Variants in SLC22A24 observed in about 807,000 individuals in gnomAD.
The protein encoded by SLC22A24 is solute carrier family 22 member 24.
In SLC22A24, 53 loss-of-function variants were observed where a neutral mutation model predicts 49.8. The observed-to-expected ratio is 1.06, with a 90% confidence interval of 0.85 to 1.34. The LOEUF is 1.34. SLC22A24 is among the 40% of genes most tolerant of loss of function. The pLI is 0.00. For missense variants in SLC22A24, 786 were observed against 675.9 expected (o/e 1.16, Z -1.81); for synonymous variants, 302 against 256.4 (o/e 1.18, Z -1.70).
intron 1 of SLC22A24, among the ~76,000 whole-genome samples, chr11:63,138,910 A>T (rs2087395193): frequency 6.6e-6 from 1 of 151,936 alleles, no homozygotes; most frequent in Non-Finnish European, 1.5e-5. Flanking sequence ...CCTTGTAGAG[A>T]TTCTAAATCT....
chr11:63,123,550 G>A (rs752156275), intron 2 of SLC22A24, among the ~76,000 whole-genome samples: 1 of 152,170 alleles, frequency 6.6e-6, no homozygotes, highest in Non-Finnish European at 1.5e-5. Context: ...CCATATGCAT[G>A]TCTAATAGGC....
chr11:63,135,137 C>G (rs183644044), intron 1 of SLC22A24, among the ~76,000 whole-genome samples: 108 of 152,146 alleles, frequency 7.1e-4, no homozygotes, highest in Admixed American at 6.7e-3. Flanking sequence ...ACTTCAGGTA[C>G]AAAAATTTTA....
At chr11:63,140,997 C>A (rs1311288929) in intron 1 of SLC22A24, among the ~76,000 whole-genome samples, 2 of 152,118 alleles carry the variant, frequency 1.3e-5, no homozygotes, top group Admixed American at 1.3e-4. Context: ...AATTATTTAG[C>A]TTTTTACAAT....
At chr11:63,114,367 A>G (rs6591751) in intron 4 of SLC22A24, among the ~76,000 whole-genome samples, 120,442 of 152,044 alleles carry the variant, frequency 0.79, 48,903 homozygotes, top group East Asian at 0.9. Flanking sequence ...GGCTATTGAA[A>G]CTTGTACATG....
At chr11:63,115,345 C>T (rs1340476193) in intron 4 of SLC22A24, among the ~76,000 whole-genome samples, 1 of 152,220 alleles carries the variant, frequency 6.6e-6, no homozygotes, top group Non-Finnish European at 1.5e-5. Flanking sequence ...GTGAGCAAGG[C>T]TCCGTGGGCA....
intron 5 of SLC22A24, among the ~76,000 whole-genome samples, chr11:63,100,426 A>C (rs1229415453): frequency 6.6e-6 from 1 of 152,200 alleles, no homozygotes; most frequent in Non-Finnish European, 1.5e-5. Context: ...GAGAACACAC[A>C]AAAAATGAAA....
At chr11:63,140,451 G>T (rs9665850) in intron 1 of SLC22A24, among the ~76,000 whole-genome samples, 1 of 152,078 alleles carries the variant, frequency 6.6e-6, no homozygotes, top group African/African-American at 2.4e-5. Context: ...CTAAATTAAG[G>T]CCAGATATCA....
Position 63,143,877 on chromosome 11 carries a change from C to T in SLC22A24, c.-98G>A. 1 of 1,018,246 alleles carries T rather than the reference C, an allele frequency of 9.8e-7. No homozygotes were observed. The highest frequency in any genetic ancestry group is 1.3e-6 in the Non-Finnish European group (1 of 772,646). 63.1% of individuals were successfully genotyped at this position (1,018,246 alleles called of 1,614,324 possible). A position where few individuals can be genotyped will look rare whatever the true frequency, so the allele number is the denominator to read the frequency against. ...CCCCTTTCACAAAGTTACCATAGTGCCATGTGGATCCTGACACTGCTTTCT... is the reference window on the plus strand; with the variant it reads ...CCCCTTTCACAAAGTTACCATAGTGTCATGTGGATCCTGACACTGCTTTCT... On this transcript the variant is annotated 5_prime_UTR_variant, in exon 1 of 10. Transcript: ENST00000612278.
At chr11:63,087,024 G>GTGCGCACA (rs1555045311) in intron 6 of SLC22A24, among the ~76,000 whole-genome samples, 7 of 132,556 alleles carry the variant, frequency 5.3e-5, no homozygotes, top group Non-Finnish European at 9.3e-5. Context: ...CCTGGAGGGC[G>GTGCGCACA]CACACACACA....
In SLC22A24 at chr11:63,108,968, G is replaced by T. The variant is rs1302670735; in HGVS notation, c.831-4670C>A. 2.1e-5 allele frequency among the ~76,000 whole-genome samples: 3 copies of T among 139,776 alleles called. No homozygotes were observed. In the South Asian group the frequency reaches 7.4e-4, roughly 34 times the overall value. 91.7% of individuals were successfully genotyped at this position (139,776 alleles called of 152,430 possible). ...CCACTAACTCGTCATCTAGCATTAGGTATATCTCCCAATGCTATCCCTCCC... is the reference window on the plus strand; with the variant it reads ...CCACTAACTCGTCATCTAGCATTAGTTATATCTCCCAATGCTATCCCTCCC... On this transcript the variant is annotated intron_variant, in intron 4 of 9. Coordinates refer to ENST00000612278, the MANE Select transcript of SLC22A24 (RefSeq NM_001136506.2).
At chr11:63,089,641 C>G (rs1171526419) in intron 6 of SLC22A24, among the ~76,000 whole-genome samples, 1 of 151,884 alleles carries the variant, frequency 6.6e-6, no homozygotes, top group Non-Finnish European at 1.5e-5. Context: ...GATAAAGAGT[C>G]AAGACTCATC....
Position 63,110,364 on chromosome 11 carries a change from G to GT in SLC22A24, c.831-6067dup, listed in dbSNP as rs1440970150. ...TTGGTTCCATATGAAGTTTAAAGTA[G>GT]TTTTTTCCAATTGTGTGAAGAAAGT... is the stretch of plus-strand genomic sequence containing the variant. On this transcript the variant is annotated intron_variant, in intron 4 of 9. Transcript: ENST00000612278. Among the ~76,000 whole-genome samples the GT allele has an allele frequency of 1.2e-4, 18 of 152,250 alleles. No homozygotes were observed. In the South Asian group the frequency reaches 1.5e-3, roughly 12 times the overall value.
chr11:63,123,532 C>A (rs1240518434), intron 2 of SLC22A24, among the ~76,000 whole-genome samples: 1 of 152,130 alleles, frequency 6.6e-6, no homozygotes, highest in Non-Finnish European at 1.5e-5. Context: ...AACTGTCTAC[C>A]TGAAACTCCA....
chr11:63,134,537 G>T (rs2087359155), intron 2 of SLC22A24, 128 bp downstream of exon 2: 1 of 584,612 alleles, frequency 1.7e-6, no homozygotes, highest in East Asian at 3.0e-5. Flanking sequence ...GCTTCCTGGA[G>T]TCAGAAAGAG....
chr11:63,117,142 C>T (rs2155320), intron 4 of SLC22A24, among the ~76,000 whole-genome samples: 120,501 of 152,080 alleles, frequency 0.79, 48,930 homozygotes, highest in East Asian at 0.9. Context: ...ATGTTTTCTT[C>T]CATGGCTCCT....
At position 63,121,712 on chromosome 11, in the gene SLC22A24, C is replaced by T. The variant is rs371730790; in HGVS notation, c.507-2377G>A. Among the ~76,000 whole-genome samples, 19 of 151,666 alleles carry T rather than the reference C, an allele frequency of 1.3e-4. No individual in the cohort carries two copies. In the East Asian group the frequency reaches 1.9e-3, roughly 15 times the overall value. The stretch of plus-strand genomic sequence containing the variant: ...TGCAGGTTAGTTACATATGTATACA[C>T]GTGCCATGCTGGTGTGCTGCACCCA... On this transcript the variant is annotated intron_variant, in intron 2 of 9. Transcript: ENST00000612278.
chr11:63,143,748 C>T lies in SLC22A24; in HGVS notation c.32G>A (p.Gly11Asp). 3.4e-6 allele frequency: 5 copies of T among 1,467,908 alleles called. No homozygotes were observed. Among genetic ancestry groups the T allele is most frequent in the Non-Finnish European group, 4.5e-6 (5 of 1,107,110 alleles). 90.9% of individuals were successfully genotyped at this position (1,467,908 alleles called of 1,614,324 possible). A position where few individuals can be genotyped will look rare whatever the true frequency, so the allele number is the denominator to read the frequency against. MGFDVLLDQVGGMGRFQICLI... is the reference protein window; with the variant it reads MGFDVLLDQVDGMGRFQICLI... ...ACAAATCTGGAATCTCCCCATGCCACCCACTTGATCCAGGAGCACATCAAA... is the reference window on the plus strand; with the variant it reads ...ACAAATCTGGAATCTCCCCATGCCATCCACTTGATCCAGGAGCACATCAAA... The change falls in exon 1 of 10, where the codon GGT becomes GAT. Residue 11 changes from glycine to aspartate, a missense_variant. By Grantham distance (94) the Gly-to-Asp change is moderately conservative. Transcript: ENST00000612278.
At chr11:63,101,059 C>A (rs566406201) in intron 5 of SLC22A24, among the ~76,000 whole-genome samples, 12 of 152,136 alleles carry the variant, frequency 7.9e-5, no homozygotes, top group African/African-American at 1.7e-4. Flanking sequence ...GGGATCACAT[C>A]ATGTTAAAAA....
intron 1 of SLC22A24, among the ~76,000 whole-genome samples, chr11:63,138,305 C>T (rs1432077328): frequency 6.6e-6 from 1 of 152,072 alleles, no homozygotes; most frequent in East Asian, 1.9e-4. Flanking sequence ...TGTCATAGTC[C>T]TACAATTTTT....
Sources: allele counts gnomAD v4.1 joint callset (sites outside exome capture counted in the v4.1 genomes callset), GRCh38; gene constraint gnomAD v4.1.1; transcripts MANE v1.5; gene names NCBI Gene and HGNC (gene_info 2026-07-23, HGNC 2026-07-21).